Variants in SLC35F5 observed in about 807,000 individuals in gnomAD.
The protein encoded by SLC35F5 is HCV NS5A-transactivated protein 3.
In SLC35F5, 54 loss-of-function variants were observed where a neutral mutation model predicts 68.6. The ratio of observed to expected loss-of-function variants is 0.79; its 90% CI spans 0.63 to 0.99. SLC35F5 has a LOEUF of 0.99. Ranked by LOEUF, SLC35F5 falls within the 50% of genes least tolerant of loss-of-function variation. The pLI is 0.00. For synonymous variants in SLC35F5, 211 were observed against 205.2 expected (o/e 1.03, Z -0.24); for missense variants, 567 against 626.9 (o/e 0.90, Z 1.02).
intron 7 of SLC35F5, among the ~76,000 whole-genome samples, chr2:113,740,491 G>A (rs906219572): frequency 6.6e-6 from 1 of 152,074 alleles, no homozygotes; most frequent in Admixed American, 6.5e-5. Flanking sequence ...AGATAATAGT[G>A]TTTTTAAAAA....
chr2:113,733,148 G>A (rs190974529), intron 9 of SLC35F5, among the ~76,000 whole-genome samples: 3 of 152,178 alleles, frequency 2.0e-5, no homozygotes, highest in Admixed American at 2.0e-4. Context: ...GGTACAGATA[G>A]TAAATATTTT....
intron 4 of SLC35F5, among the ~76,000 whole-genome samples, chr2:113,748,029 T>A (rs886942903): frequency 1.3e-5 from 2 of 151,768 alleles, no homozygotes; most frequent in Admixed American, 6.6e-5. Flanking sequence ...GAGGTGGAGG[T>A]TTCAGTGAGC....
intron 5 of SLC35F5, among the ~76,000 whole-genome samples, chr2:113,745,581 GA>G (rs1210404440): frequency 1.3e-5 from 2 of 152,206 alleles, no homozygotes; most frequent in East Asian, 3.9e-4. Flanking sequence ...GAGACAAGGT[GA>G]TTGCTTAAGC....
At chr2:113,749,146 C>A (rs1574268393) in intron 4 of SLC35F5, among the ~76,000 whole-genome samples, 1 of 152,204 alleles carries the variant, frequency 6.6e-6, no homozygotes, top group East Asian at 1.9e-4. Context: ...CTGCCTCGGC[C>A]TCCCAGCATG....
intron 13 of SLC35F5, 162 bp from the exon 14 acceptor site, chr2:113,719,470 G>C: frequency 3.6e-6 from 2 of 549,096 alleles, no homozygotes; most frequent in Non-Finnish European, 5.9e-6. Flanking sequence ...TATTAAATAA[G>C]AATTCAAGAC....
chr2:113,730,631 A>C (rs1275931394), intron 10 of SLC35F5, among the ~76,000 whole-genome samples: 1 of 152,190 alleles, frequency 6.6e-6, no homozygotes, highest in Non-Finnish European at 1.5e-5. Context: ...ATGAGGTCTC[A>C]CTATGCTGCC....
chr2:113,706,008 A>G (rs550123755), downstream of SLC35F5, among the ~76,000 whole-genome samples: 2 of 152,294 alleles, frequency 1.3e-5, no homozygotes, highest in African/African-American at 4.8e-5. Flanking sequence ...TCTGGAGTGG[A>G]CTTGACATGG....
At chr2:113,756,005 C>A (rs79995040) in intron 1 of SLC35F5, 1 of 1,516,754 alleles carries the variant, frequency 6.6e-7, no homozygotes, top group South Asian at 1.3e-5. Flanking sequence ...CCAATCTCTT[C>A]AAGTGGTAAA....
rs557509329 is a variant in SLC35F5 at position 113,742,675 on chromosome 2, T to C, written c.750+17A>G. ...AAGTTTCAAACATCATATGCAAACA[T>C]ATCATAAAAGACCTACCACAAAGCA... On this transcript the variant is annotated intron_variant, in intron 7 of 15. Transcript: ENST00000245680. The C allele has an allele frequency of 4.3e-6, 7 of 1,612,636 alleles. No homozygotes were observed. The East Asian group carries it at 1.3e-4, about 31-fold the overall frequency.
chr2:113,708,384 T>A lies in SLC35F5; in HGVS notation c.*6834A>T, dbSNP rs1023055068. On this transcript the variant is annotated 3_prime_UTR_variant, in exon 16 of 16. Transcript: ENST00000245680. Reference sequence around the variant, plus strand: ...TTTTAAGATTATAAATTCACAATAGTGAACACCCTAGTGACAACTTTTAAA... The same window carrying A: ...TTTTAAGATTATAAATTCACAATAGAGAACACCCTAGTGACAACTTTTAAA... 1.1e-4 allele frequency among the ~76,000 whole-genome samples: 17 copies of A among 152,212 alleles called. No homozygotes were observed. Among genetic ancestry groups the A allele is most frequent in the Admixed American group, 2.0e-4 (3 of 15,282 alleles).
intron 15 of SLC35F5, among the ~76,000 whole-genome samples, chr2:113,715,923 A>T (rs973405186): frequency 4.6e-5 from 7 of 152,072 alleles, no homozygotes; most frequent in African/African-American, 1.7e-4. Context: ...CCAAAACCTC[A>T]CTAAAAAGGA....
At chr2:113,740,621 A>ATTTTTT (rs1676224826) in intron 7 of SLC35F5, among the ~76,000 whole-genome samples, 1 of 151,872 alleles carries the variant, frequency 6.6e-6, no homozygotes, top group South Asian at 2.1e-4. Context: ...CATCCACAGG[A>ATTTTTT]TTTTTTTCTT....
chr2:113,703,205 G>A (rs1686730438), downstream of SLC35F5, among the ~76,000 whole-genome samples: 1 of 151,206 alleles, frequency 6.6e-6, no homozygotes, highest in Non-Finnish European at 1.5e-5. Flanking sequence ...AGCATGTCTT[G>A]ACCTTCATCT....
Position 113,734,685 on chromosome 2 carries a change from A to G in SLC35F5, c.833-12T>C, listed in dbSNP as rs1253679214. 6.6e-7 allele frequency: 1 copy of G among 1,516,384 alleles called. No homozygotes were observed. The highest frequency in any genetic ancestry group is 9.1e-7 in the Non-Finnish European group (1 of 1,103,742). The allele number at this position is 1,516,384 out of a possible 1,614,324, so 93.9% of individuals were successfully genotyped here. On this transcript the variant is annotated splice_polypyrimidine_tract_variant and intron_variant, in intron 8 of 15. Transcript: ENST00000245680. ...TAAGGTAAAAAGTCCTATGAGGAGA[A>G]AAGAATTTAAAAATGGTACATGAGT...
intron 12 of SLC35F5, among the ~76,000 whole-genome samples, chr2:113,724,063 G>A (rs962106779): frequency 6.6e-6 from 1 of 152,152 alleles, no homozygotes; most frequent in Non-Finnish European, 1.5e-5. Context: ...CAATAAAAGG[G>A]GCTATCTCTC....
At chr2:113,736,289 AC>A (rs1274980506) in intron 7 of SLC35F5, among the ~76,000 whole-genome samples, 7 of 150,934 alleles carry the variant, frequency 4.6e-5, no homozygotes, top group Non-Finnish European at 1.0e-4. Flanking sequence ...AAAAAAAAAT[AC>A]AAAAATTAGC....
chr2:113,729,533 A>T, intron 10 of SLC35F5, 28 bp from the exon 11 acceptor site: 1 of 1,217,008 alleles, frequency 8.2e-7, no homozygotes, highest in Non-Finnish European at 1.2e-6. Context: ...ATTTAAAGCA[A>T]TCACTCATTA....
At chr2:113,740,420 T>G (rs994430147) in intron 7 of SLC35F5, among the ~76,000 whole-genome samples, 2 of 152,218 alleles carry the variant, frequency 1.3e-5, no homozygotes, top group African/African-American at 4.8e-5. Context: ...CTGAGAGAAA[T>G]GTACTATGTA....
chr2:113,703,532 G>A (rs939792734), downstream of SLC35F5, among the ~76,000 whole-genome samples: 24 of 152,110 alleles, frequency 1.6e-4, no homozygotes, highest in African/African-American at 5.8e-4. Context: ...ACTAGCAGCT[G>A]CCTCTTTTCT....
Sources: allele counts gnomAD v4.1 joint callset (sites outside exome capture counted in the v4.1 genomes callset), GRCh38; gene constraint gnomAD v4.1.1; transcripts MANE v1.5; gene names NCBI Gene and HGNC (gene_info 2026-07-23, HGNC 2026-07-21).